Variants in PAM observed in about 807,000 individuals in gnomAD.
PAM encodes the protein peptidylglycine alpha-amidating monooxygenase.
PAM carries 72 observed loss-of-function variants against 122.1 expected under a neutral mutation model. The ratio of observed to expected loss-of-function variants is 0.59; its 90% CI spans 0.49 to 0.72. The LOEUF (loss-of-function observed/expected upper bound fraction) is 0.72. PAM is among the 30% of genes least tolerant of loss of function. The pLI, the probability that PAM is intolerant of heterozygous loss-of-function variation, is 0.00. For synonymous variants in PAM, 389 were observed against 404.4 expected (o/e 0.96, Z 0.46); for missense variants, 1,106 against 1,183.7 (o/e 0.93, Z 0.96).
intron 1 of PAM, among the ~76,000 whole-genome samples, chr5:102,809,129 C>T (rs1465697594): frequency 6.6e-6 from 1 of 152,102 alleles, no homozygotes; most frequent in African/African-American, 2.4e-5. Context: ...CCTTCTGAAT[C>T]TCTTCATTCT....
Position 103,017,512 on chromosome 5 carries a change from A to G in PAM, c.2431+79A>G, listed in dbSNP as rs1009614600. On this transcript the variant is annotated intron_variant, in intron 22 of 25. Transcript: ENST00000438793. ...AAGCATATGAAACAAAAACATTTGC[A>G]TTTCCTTATCTTTTTACTGATGAGA... The G allele has an allele frequency of 8.7e-5, 75 of 866,260 alleles. No individual in the cohort carries two copies. The South Asian group carries it at 1.1e-3, about 12-fold the overall frequency. The allele number at this position is 866,260 out of a possible 1,614,324, so 53.7% of individuals were successfully genotyped here.
chr5:102,927,125 A>G (rs559495814), intron 7 of PAM, among the ~76,000 whole-genome samples: 1 of 151,886 alleles, frequency 6.6e-6, no homozygotes, highest in Non-Finnish European at 1.5e-5. Flanking sequence ...CATACGTGGC[A>G]CTTCATGAAC....
chr5:102,833,380 G>A (rs1561573312), intron 1 of PAM, among the ~76,000 whole-genome samples: 1 of 152,130 alleles, frequency 6.6e-6, no homozygotes, highest in African/African-American at 2.4e-5. Flanking sequence ...GAAGATATCT[G>A]CCTTCAAGGG....
chr5:103,001,490 G>GT (rs1582766433), intron 16 of PAM, among the ~76,000 whole-genome samples: 1 of 151,978 alleles, frequency 6.6e-6, no homozygotes, highest in East Asian at 1.9e-4. Context: ...CCACTGTGTG[G>GT]TTTTTAACTG....
rs1222799240 is a variant in PAM at position 103,028,088 on chromosome 5, A to G, written c.2690-97A>G. 40 of 895,496 alleles carry G rather than the reference A, an allele frequency of 4.5e-5. 1 individual carries two copies. The South Asian group carries it at 5.2e-4, about 12-fold the overall frequency. The allele number at this position is 895,496 out of a possible 1,614,324, so 55.5% of individuals were successfully genotyped here. On this transcript the variant is annotated intron_variant, in intron 24 of 25. Coordinates refer to ENST00000438793, the MANE Select transcript of PAM (RefSeq NM_001177306.2). The stretch of plus-strand genomic sequence containing the variant: ...ACAGACAAGAGCCAGGCCTTGCTTT[A>G]TCATTTACCAGTTCCTATTTTAAGT...
chr5:102,964,514 A>G (rs1359617850), intron 14 of PAM, among the ~76,000 whole-genome samples: 4 of 151,920 alleles, frequency 2.6e-5, no homozygotes, highest in African/African-American at 9.7e-5. Flanking sequence ...GGATCATGCA[A>G]CAATAGGAAA....
At chr5:102,795,313 C>T (rs970262969) in intron 1 of PAM, among the ~76,000 whole-genome samples, 1 of 151,678 alleles carries the variant, frequency 6.6e-6, no homozygotes, top group Admixed American at 6.6e-5. Context: ...TTTCTCTGCA[C>T]ATCCTTAGGT....
chr5:102,857,041 G>A (rs999962143), intron 1 of PAM, among the ~76,000 whole-genome samples: 2 of 152,172 alleles, frequency 1.3e-5, no homozygotes, highest in Non-Finnish European at 2.9e-5. Context: ...TCTTCCTAGA[G>A]CAAGGGTGTC....
At chr5:102,984,558 A>G (rs1338144399) in intron 15 of PAM, among the ~76,000 whole-genome samples, 3 of 152,204 alleles carry the variant, frequency 2.0e-5, no homozygotes, top group African/African-American at 7.2e-5. Flanking sequence ...CTAAATATAT[A>G]TGCATATGCG....
At chr5:102,766,440 C>T (rs183463270) in intron 1 of PAM, among the ~76,000 whole-genome samples, 1 of 152,174 alleles carries the variant, frequency 6.6e-6, no homozygotes, top group East Asian at 1.9e-4. Flanking sequence ...GATTCCTGCT[C>T]CTATGAGACT....
In PAM at chr5:103,019,052, T is replaced by C. The variant is rs534627222; in HGVS notation, c.2432-738T>C. Among the ~76,000 whole-genome samples the C allele has an allele frequency of 5.9e-5, 9 of 152,252 alleles. No homozygotes were observed. In the East Asian group the frequency reaches 1.7e-3, roughly 29 times the overall value. ...ACCTCCTGCTGTGCGTTCCAGTTCCTAACAGGCCATGGCCCGGGATTTGGG... is the reference window on the plus strand; with the variant it reads ...ACCTCCTGCTGTGCGTTCCAGTTCCCAACAGGCCATGGCCCGGGATTTGGG... On this transcript the variant is annotated intron_variant, in intron 22 of 25. Coordinates refer to ENST00000438793, the MANE Select transcript of PAM (RefSeq NM_001177306.2).
At chr5:102,814,253 C>T (rs546009195) in intron 1 of PAM, among the ~76,000 whole-genome samples, 2 of 152,268 alleles carry the variant, frequency 1.3e-5, no homozygotes, top group African/African-American at 2.4e-5. Context: ...AAGCTCAAAA[C>T]TTCCCAAGAG....
At chr5:102,890,330 A>G (rs1794425922) in intron 3 of PAM, among the ~76,000 whole-genome samples, 1 of 151,872 alleles carries the variant, frequency 6.6e-6, no homozygotes, top group African/African-American at 2.4e-5. Context: ...AATCCATTAT[A>G]AAGTCTTTTG....
chr5:102,980,470 A>T (rs1312473861), intron 15 of PAM, among the ~76,000 whole-genome samples: 1 of 152,194 alleles, frequency 6.6e-6, no homozygotes, highest in Non-Finnish European at 1.5e-5. Flanking sequence ...GTCTGGCTCA[A>T]GGCTGAAGTT....
At chr5:102,830,400 G>C (rs2150419935) in intron 1 of PAM, among the ~76,000 whole-genome samples, 1 of 152,234 alleles carries the variant, frequency 6.6e-6, no homozygotes, top group South Asian at 2.1e-4. Flanking sequence ...ACTTTATACA[G>C]GTCAGGGCAT....
intron 1 of PAM, among the ~76,000 whole-genome samples, chr5:102,765,442 C>T (rs1753621670): frequency 1.3e-5 from 2 of 152,144 alleles, no homozygotes; most frequent in South Asian, 4.1e-4. Context: ...TCCATATCCT[C>T]ATCTAAATTG....
chr5:102,892,612 A>G (rs1795057036), intron 3 of PAM, among the ~76,000 whole-genome samples: 1 of 151,874 alleles, frequency 6.6e-6, no homozygotes, highest in African/African-American at 2.4e-5. Flanking sequence ...CATAGCCATA[A>G]CAGTGCATTG....
intron 3 of PAM, among the ~76,000 whole-genome samples, chr5:102,868,174 G>A (rs924968939): frequency 6.6e-6 from 1 of 152,232 alleles, no homozygotes. Flanking sequence ...TTGAAGGGCT[G>A]CAGAGACAGG....
At chr5:102,771,427 CAT>C (rs986386423) in intron 1 of PAM, among the ~76,000 whole-genome samples, 1 of 152,074 alleles carries the variant, frequency 6.6e-6, no homozygotes, top group Non-Finnish European at 1.5e-5. Flanking sequence ...ACAGGGGAAA[CAT>C]AGAAGATAGG....
Sources: gnomAD v4.1 joint callset for allele counts (sites outside exome capture counted in the v4.1 genomes callset) on GRCh38, gnomAD v4.1.1 for gene constraint, MANE v1.5 for transcripts, NCBI Gene and HGNC (gene_info 2026-07-23, HGNC 2026-07-21) for gene names.